The following PDE3A variants were observed in gnomAD, a reference collection of about 807,000 sequenced individuals.
PDE3A encodes phosphodiesterase 3A.
In PDE3A, 43 loss-of-function variants were observed where a neutral mutation model predicts 98.3. The observed-to-expected ratio is 0.44, with a 90% CI of 0.34 to 0.56. The LOEUF is 0.56. PDE3A is among the 20% of genes least tolerant of loss of function. The probability of loss-of-function intolerance (pLI) is 0.01; values close to 1 mark genes in which losing one functional copy is unlikely to be tolerated. For missense variants in PDE3A, 1,427 were observed against 1,440.7 expected (o/e 0.99, Z 0.15); for synonymous variants, 663 against 567.9 (o/e 1.17, Z -2.38).
chr12:20,620,860 A>C lies in PDE3A; in HGVS notation c.1425-436A>C, dbSNP rs886459228. Among the ~76,000 whole-genome samples, 11 of 152,086 alleles carry C rather than the reference A, an allele frequency of 7.2e-5. No individual in the cohort carries two copies. The South Asian group carries it at 2.1e-3, about 29-fold the overall frequency. Reference sequence around the variant, plus strand: ...TTTATGAATGATTTCATGGTCATTCAATTTTTGAATACAGATCCACCAAAA... The same window carrying C: ...TTTATGAATGATTTCATGGTCATTCCATTTTTGAATACAGATCCACCAAAA... On this transcript the variant is annotated intron_variant, in intron 4 of 15. Transcript: ENST00000359062.
intron 1 of PDE3A, among the ~76,000 whole-genome samples, chr12:20,436,443 A>C (rs1213233071): frequency 2.6e-5 from 4 of 152,202 alleles, no homozygotes; most frequent in Non-Finnish European, 4.4e-5. Flanking sequence ...GTGTTCAAAA[A>C]TGTTTTTTTC....
chr12:20,564,267 AAAT>A (rs1942602286), intron 2 of PDE3A, among the ~76,000 whole-genome samples: 3 of 152,162 alleles, frequency 2.0e-5, no homozygotes, highest in Non-Finnish European at 4.4e-5. Flanking sequence ...CCTGGGAATC[AAAT>A]TTGCTTCTAG....
At chr12:20,672,496 C>T (rs1388610787) in intron 15 of PDE3A, among the ~76,000 whole-genome samples, 2 of 151,862 alleles carry the variant, frequency 1.3e-5, no homozygotes, top group Non-Finnish European at 2.9e-5. Context: ...GGTACCAAAA[C>T]AGAGATATAC....
In PDE3A at chr12:20,533,326, T is replaced by C. The variant is rs1456197135; in HGVS notation, c.961-23334T>C. On this transcript the variant is annotated intron_variant, in intron 1 of 15. Transcript: ENST00000359062. ...ATTCCACCTCAGAAATGGTTATCCA[T>C]GTTCCCTATCTCCTCCATTCCTATT... 3.3e-5 allele frequency among the ~76,000 whole-genome samples: 5 copies of C among 152,046 alleles called. No individual in the cohort carries two copies. In the South Asian group the frequency reaches 6.2e-4, roughly 19 times the overall value.
intron 1 of PDE3A, among the ~76,000 whole-genome samples, chr12:20,418,495 A>T (rs990632069): frequency 6.6e-6 from 1 of 152,186 alleles, no homozygotes; most frequent in Non-Finnish European, 1.5e-5. Flanking sequence ...TTTAGGGGAT[A>T]TACTTTCCTC....
intron 15 of PDE3A, among the ~76,000 whole-genome samples, chr12:20,654,660 C>CTTTTTTTTT (rs71442265): frequency 0.018 from 1,575 of 85,868 alleles, no homozygotes; most frequent in Non-Finnish European, 0.022. Flanking sequence ...CTACACCCGG[C>CTTTTTTTTT]TTTTTTTTTT....
rs778448655 is a variant in PDE3A at position 20,646,969 on chromosome 12, G to A, written c.2565+19G>A. 7.1e-6 allele frequency: 11 copies of A among 1,558,566 alleles called. No individual in the cohort carries two copies. The South Asian group carries it at 7.8e-5, about 11-fold the overall frequency. On this transcript the variant is annotated intron_variant, in intron 12 of 15. Transcript: ENST00000359062. ...TCCTCAGGTAAATCTTTAGATTTTG[G>A]TTAGGAGAACTAATTTAAAGATTTC...
At chr12:20,580,909 T>A (rs1247175569) in intron 2 of PDE3A, among the ~76,000 whole-genome samples, 1 of 152,156 alleles carries the variant, frequency 6.6e-6, no homozygotes, top group East Asian at 1.9e-4. Context: ...AAAACTACTG[T>A]AGCACATAAA....
intron 1 of PDE3A, among the ~76,000 whole-genome samples, chr12:20,537,849 TAA>T (rs33973053): frequency 0.81 from 117,721 of 145,222 alleles, 48,678 homozygotes; most frequent in East Asian, 0.99. Flanking sequence ...CCTTTGTTCT[TAA>T]AAAAAAAAAA....
intron 1 of PDE3A, among the ~76,000 whole-genome samples, chr12:20,423,468 A>C (rs1944553798): frequency 6.6e-6 from 1 of 152,108 alleles, no homozygotes; most frequent in African/African-American, 2.4e-5. Context: ...CTTCTTTTTA[A>C]CAGTACACTT....
chr12:20,469,004 G>A (rs899299686), intron 1 of PDE3A, among the ~76,000 whole-genome samples: 6 of 152,170 alleles, frequency 3.9e-5, no homozygotes, highest in Non-Finnish European at 7.3e-5. Context: ...CACTGCACTG[G>A]AGGAGAAGTC....
chr12:20,517,486 A>G (rs934266538), intron 1 of PDE3A, among the ~76,000 whole-genome samples: 1 of 152,202 alleles, frequency 6.6e-6, no homozygotes, highest in African/African-American at 2.4e-5. Context: ...TCTCCGTTGT[A>G]TAATGGGCAC....
At chr12:20,572,370 C>T (rs949667507) in intron 2 of PDE3A, among the ~76,000 whole-genome samples, 1 of 151,908 alleles carries the variant, frequency 6.6e-6, no homozygotes, top group African/African-American at 2.4e-5. Flanking sequence ...AAAAAACTTC[C>T]CAGTAAAAGT....
chr12:20,438,944 A>T (rs2120833468), intron 1 of PDE3A, among the ~76,000 whole-genome samples: 1 of 151,880 alleles, frequency 6.6e-6, no homozygotes, highest in East Asian at 1.9e-4. Context: ...GGCACGTACC[A>T]CCACGCCTGG....
intron 2 of PDE3A, among the ~76,000 whole-genome samples, chr12:20,609,180 A>G (rs1943787517): frequency 6.6e-6 from 1 of 152,108 alleles, no homozygotes; most frequent in African/African-American, 2.4e-5. Flanking sequence ...CAACAATTCT[A>G]CACGCACAAA....
intron 1 of PDE3A, among the ~76,000 whole-genome samples, chr12:20,442,929 A>C (rs925233173): frequency 2.0e-5 from 3 of 152,160 alleles, no homozygotes; most frequent in Non-Finnish European, 4.4e-5. Flanking sequence ...AATAGGTTGC[A>C]TTATTCTTAG....
rs367972001 is a variant in PDE3A at position 20,446,309 on chromosome 12, A to G, written c.960+76065A>G. ...AAAATGGTCATGCTTTCAGACGGTC[A>G]TGTATTATTGAGTGCCTACTGAGTG... On this transcript the variant is annotated intron_variant, in intron 1 of 15. Coordinates refer to ENST00000359062, the MANE Select transcript of PDE3A (RefSeq NM_000921.5). Among the ~76,000 whole-genome samples, 6 of 152,320 alleles carry G rather than the reference A, an allele frequency of 3.9e-5. No individual in the cohort carries two copies. In the East Asian group the frequency reaches 7.7e-4, roughly 20 times the overall value.
intron 1 of PDE3A, among the ~76,000 whole-genome samples, chr12:20,439,690 G>A (rs11045247): frequency 0.12 from 18,292 of 152,112 alleles, 1,449 homozygotes; most frequent in African/African-American, 0.2. Flanking sequence ...CTTGCAATGC[G>A]TAATTCAAAA....
intron 2 of PDE3A, among the ~76,000 whole-genome samples, chr12:20,582,275 C>T (rs1409042454): frequency 6.6e-6 from 1 of 152,098 alleles, no homozygotes; most frequent in Non-Finnish European, 1.5e-5. Flanking sequence ...CTCACTGCAA[C>T]CTCTGCCTCC....
Sources: allele counts gnomAD v4.1 joint callset (sites outside exome capture counted in the v4.1 genomes callset), GRCh38; gene constraint gnomAD v4.1.1; transcripts MANE v1.5; gene names NCBI Gene and HGNC (gene_info 2026-07-23, HGNC 2026-07-21).